Variants in LATS2 observed in about 807,000 individuals in gnomAD.
LATS2 encodes serine/threonine-protein kinase LATS2.
Under a neutral mutation model 76.0 loss-of-function variants are expected in LATS2, and 24 were observed. That is an observed-to-expected ratio of 0.32 (90% confidence interval 0.23 to 0.44). The LOEUF (loss-of-function observed/expected upper bound fraction) is 0.44. Ranked by LOEUF, LATS2 falls within the 20% of genes least tolerant of loss-of-function variation. The probability of loss-of-function intolerance (pLI) is 1.00; values close to 1 mark genes in which losing one functional copy is unlikely to be tolerated. For missense variants in LATS2, 1,286 were observed against 1,481.2 expected (o/e 0.87, Z 2.16); for synonymous variants, 692 against 635.4 (o/e 1.09, Z -1.34).
At chr13:20,994,854 C>CA (rs34133833) in intron 2 of LATS2, among the ~76,000 whole-genome samples, 13,053 of 144,300 alleles carry the variant, frequency 0.09, 1,082 homozygotes, top group East Asian at 0.41. Flanking sequence ...GAATGTGTCT[C>CA]AAAAAAAAAA....
chr13:21,057,099 G>A (rs1873473082), intron 1 of LATS2, among the ~76,000 whole-genome samples: 1 of 152,184 alleles, frequency 6.6e-6, no homozygotes, highest in Admixed American at 6.5e-5. Flanking sequence ...CCTAGAGGCA[G>A]GGAGGCTCAC....
chr13:20,979,738 C>G lies in LATS2; in HGVS notation c.2725G>C (p.Gly909Arg). Reference sequence around the variant, plus strand: ...GTAGGTGCCAAAAAGGGCGGCTGCCCCACCAGCATCTCGAAGAGAATCACT... The same window carrying G: ...GTAGGTGCCAAAAAGGGCGGCTGCCGCACCAGCATCTCGAAGAGAATCACT... Reference protein sequence around the residue: ...VGVILFEMLVGQPPFLAPTPT... With the variant: ...VGVILFEMLVRQPPFLAPTPT... Residue 909 changes from glycine (G) to arginine (R), a missense_variant, in exon 7 of 8, where the codon GGG (glycine) becomes CGG (arginine). By Grantham distance (125) the Gly-to-Arg change is moderately radical. Around this residue, in one of 5 missense-constraint regions of LATS2, gnomAD observed 210 missense variants for 234.9 expected, o/e 0.89. Coordinates refer to ENST00000382592, the MANE Select transcript of LATS2 (RefSeq NM_014572.3). The G allele has an allele frequency of 6.2e-7, 1 of 1,612,862 alleles. No homozygotes were observed. The highest frequency in any genetic ancestry group is 8.5e-7 in the Non-Finnish European group (1 of 1,179,210).
At position 20,974,145 on chromosome 13, in the gene LATS2, A is replaced by G. The variant is rs796131175; in HGVS notation, c.*725T>C. ...ACACCTCATTTAAAGACACTCAGTA[A>G]AAACGTATTCACAGGACCTGCTGTG... On this transcript the variant is annotated 3_prime_UTR_variant, in exon 8 of 8. Coordinates refer to ENST00000382592, the MANE Select transcript of LATS2 (RefSeq NM_014572.3). 10 of 228,672 alleles carry G rather than the reference A, an allele frequency of 4.4e-5. No individual in the cohort carries two copies. Among genetic ancestry groups the G allele is most frequent in the African/African-American group, 2.0e-4 (9 of 45,130 alleles). The allele number at this position is 228,672 out of a possible 1,614,324, so 14.2% of individuals were successfully genotyped here. A position where few individuals can be genotyped will look rare whatever the true frequency, so the allele number is the denominator to read the frequency against.
chr13:21,025,613 T>C (rs2138370278), intron 2 of LATS2, among the ~76,000 whole-genome samples: 1 of 152,316 alleles, frequency 6.6e-6, no homozygotes. Context: ...GGTAGTATGC[T>C]ATGAAACTCT....
At chr13:21,052,391 C>A (rs1202484553) in intron 1 of LATS2, among the ~76,000 whole-genome samples, 1 of 152,108 alleles carries the variant, frequency 6.6e-6, no homozygotes, top group African/African-American at 2.4e-5. Context: ...CACTCTGTCA[C>A]CTAGACTGGA....
chr13:20,982,242 T>C (rs556343031), intron 5 of LATS2, among the ~76,000 whole-genome samples: 6 of 152,170 alleles, frequency 3.9e-5, no homozygotes, highest in African/African-American at 1.4e-4. Flanking sequence ...GGAAATGGAG[T>C]TCAATGATAC....
rs1212887513 is a variant in LATS2, at chr13:21,012,483, A to G, written c.343-21079T>C. Among the ~76,000 whole-genome samples the G allele has an allele frequency of 2.6e-5, 4 of 152,240 alleles. No homozygotes were observed. In the East Asian group the frequency reaches 7.7e-4, roughly 29 times the overall value. ...TCCATCACAATCTCATGGGACCATCATCATACATGTGGCCCGTGGTTGCCC... is the reference window on the plus strand; with the variant it reads ...TCCATCACAATCTCATGGGACCATCGTCATACATGTGGCCCGTGGTTGCCC... On this transcript the variant is annotated intron_variant, in intron 2 of 7. Transcript: ENST00000382592.
chr13:20,981,065 A>T (rs1869850572), intron 6 of LATS2, among the ~76,000 whole-genome samples: 1 of 152,226 alleles, frequency 6.6e-6, no homozygotes, highest in African/African-American at 2.4e-5. Flanking sequence ...ACCCAGCTGC[A>T]CACGGCACAA....
chr13:20,976,890 C>T (rs1869649091), intron 7 of LATS2, among the ~76,000 whole-genome samples: 1 of 151,928 alleles, frequency 6.6e-6, no homozygotes, highest in Non-Finnish European at 1.5e-5. Context: ...GGGAGTTCCT[C>T]AAAAAGTTAA....
Position 20,988,236 on chromosome 13 carries a change from G to T in LATS2, c.1544C>A (p.Pro515His). Reference protein sequence around the residue: ...EYGGPDRRCPPPPYPKHLLLR... With the variant: ...EYGGPDRRCPHPPYPKHLLLR... ...CAGCAGGTGCTTCGGGTAGGGCGGA[G>T]GCGGGCACCTCCGGTCTGGGCCTCC... is the stretch of plus-strand genomic sequence containing the variant. The change falls in exon 4 of 8, where the codon CCT (proline) becomes CAT (histidine). Residue 515 changes from proline to histidine, a missense_variant. Physicochemically the swap from Pro to His is moderately conservative, Grantham distance 77 (BLOSUM62 -2). This residue lies in a region of LATS2 where 710 missense variants were observed against 660.9 expected (regional missense o/e 1.07). Transcript: ENST00000382592. The T allele has an allele frequency of 1.2e-6, 2 of 1,605,302 alleles. No individual in the cohort carries two copies. The highest frequency in any genetic ancestry group is 1.7e-6 in the Non-Finnish European group (2 of 1,179,212).
chr13:20,998,704 G>A (rs113495941), intron 2 of LATS2, among the ~76,000 whole-genome samples: 1 of 152,232 alleles, frequency 6.6e-6, no homozygotes, highest in Non-Finnish European at 1.5e-5. Context: ...CGCTCCCGGC[G>A]ATCTTGGGCA....
intron 2 of LATS2, chr13:21,023,236 A>T (rs1872143420): frequency 6.6e-6 from 1 of 152,058 alleles, no homozygotes; most frequent in Admixed American, 6.5e-5. Context: ...ATTTCTAGGA[A>T]TGCTAAAAAC....
Position 20,974,522 on chromosome 13 carries a change from A to G in LATS2, c.*348T>C. The G allele has an allele frequency of 3.8e-6, 1 of 261,044 alleles. No individual in the cohort carries two copies. Among genetic ancestry groups the G allele is most frequent in the Non-Finnish European group, 7.3e-6 (1 of 136,464 alleles). The allele number at this position is 261,044 out of a possible 1,614,324, so 16.2% of individuals were successfully genotyped here. A position where few individuals can be genotyped will look rare whatever the true frequency, so the allele number is the denominator to read the frequency against. ...TGAATAAGTGCTATGGATAAAATACAAATGTAGAAAATAACAGCAGCATGA... is the reference window on the plus strand; with the variant it reads ...TGAATAAGTGCTATGGATAAAATACGAATGTAGAAAATAACAGCAGCATGA... On this transcript the variant is annotated 3_prime_UTR_variant, in exon 8 of 8. Transcript: ENST00000382592.
intron 2 of LATS2, among the ~76,000 whole-genome samples, chr13:21,021,889 T>C (rs1435334935): frequency 6.6e-6 from 1 of 152,130 alleles, no homozygotes; most frequent in Admixed American, 6.5e-5. Flanking sequence ...CAGCACAGGG[T>C]GAAAGCTCCT....
In LATS2 at chr13:21,050,147, G is replaced by GATAGATAGATAGATAGATACATACATAC. The variant is rs71200328; in HGVS notation, c.-204-3918_-204-3917insGTATGTATGTATCTATCTATCTATCTAT. Among the ~76,000 whole-genome samples the GATAGATAGATAGATAGATACATACATAC allele has an allele frequency of 2.0e-3, 105 of 53,836 alleles. 1 individual carries two copies. Among genetic ancestry groups the GATAGATAGATAGATAGATACATACATAC allele is most frequent in the African/African-American group, 3.4e-3 (71 of 21,116 alleles). 35.3% of individuals were successfully genotyped at this position (53,836 alleles called of 152,430 possible). On this transcript the variant is annotated intron_variant, in intron 1 of 7. Coordinates refer to ENST00000382592, the MANE Select transcript of LATS2 (RefSeq NM_014572.3). ...AGACAGATAGATAGATAGATAGATAGATACATACATACATACATACATACA... is the reference window on the plus strand; with the variant it reads ...AGACAGATAGATAGATAGATAGATAGATAGATAGATAGATAGATACATACATACATACATACATACATACATACATACA...
intron 2 of LATS2, among the ~76,000 whole-genome samples, chr13:21,014,901 A>T (rs1218532405): frequency 2.0e-5 from 3 of 152,156 alleles, no homozygotes; most frequent in African/African-American, 7.2e-5. Flanking sequence ...TGTCTGCTTT[A>T]TGACACGTTA....
At chr13:21,028,466 A>C (rs1872399387) in intron 2 of LATS2, among the ~76,000 whole-genome samples, 1 of 152,194 alleles carries the variant, frequency 6.6e-6, no homozygotes, top group Non-Finnish European at 1.5e-5. Context: ...TTGATATTTA[A>C]TGTGATCAGC....
At position 21,036,522 on chromosome 13, in the gene LATS2, C is replaced by T. The variant is rs189050169; in HGVS notation, c.342+9163G>A. ...CCTTGCGGTGGCTCACGCCTGTAATCCCAGCACTTTGGGAGGCCGAGGTGG... is the reference window on the plus strand; with the variant it reads ...CCTTGCGGTGGCTCACGCCTGTAATTCCAGCACTTTGGGAGGCCGAGGTGG... On this transcript the variant is annotated intron_variant, in intron 2 of 7. Coordinates refer to ENST00000382592, the MANE Select transcript of LATS2 (RefSeq NM_014572.3). 1.2e-4 allele frequency among the ~76,000 whole-genome samples: 18 copies of T among 152,196 alleles called. 1 individual carries two copies. Among genetic ancestry groups the T allele is most frequent in the African/African-American group, 4.1e-4 (17 of 41,544 alleles).
chr13:21,045,668 C>A lies in LATS2; in HGVS notation c.342+17G>T. ...ATAGCTGCCTCTGCACATGGCCCTGCAGAGGTCTGTACCCACCTGGTCGCA... is the reference window on the plus strand; with the variant it reads ...ATAGCTGCCTCTGCACATGGCCCTGAAGAGGTCTGTACCCACCTGGTCGCA... On this transcript the variant is annotated intron_variant, in intron 2 of 7. Coordinates refer to ENST00000382592, the MANE Select transcript of LATS2 (RefSeq NM_014572.3). The A allele has an allele frequency of 6.2e-7, 1 of 1,600,236 alleles. No individual in the cohort carries two copies. Among genetic ancestry groups the A allele is most frequent in the Non-Finnish European group, 8.5e-7 (1 of 1,171,402 alleles).
Sources: gnomAD v4.1 joint callset for allele counts (sites outside exome capture counted in the v4.1 genomes callset) on GRCh38, gnomAD v4.1.1 for gene constraint, gnomAD v4.1.1 regional missense constraint, MANE v1.5 for transcripts, NCBI Gene and HGNC (gene_info 2026-07-23, HGNC 2026-07-21) for gene names.